BMPER: variants seen among roughly 807,000 people sequenced by gnomAD.
The protein encoded by BMPER is BMP binding endothelial regulator.
A neutral mutation model predicts 87.3 loss-of-function variants in BMPER; 45 were observed. That is an observed-to-expected ratio of 0.52 (90% CI 0.41 to 0.66). The LOEUF (loss-of-function observed/expected upper bound fraction) is 0.66. Among genes scored for constraint, BMPER ranks in the 30% least tolerant of loss-of-function variants. The probability of loss-of-function intolerance (pLI) is 0.00; values close to 1 mark genes in which losing one functional copy is unlikely to be tolerated. For synonymous variants in BMPER, 326 were observed against 316.2 expected (o/e 1.03, Z -0.33); for missense variants, 784 against 867.5 (o/e 0.90, Z 1.21).
chr7:33,970,643 C>T (rs1394630973), intron 5 of BMPER, among the ~76,000 whole-genome samples: 8 of 152,100 alleles, frequency 5.3e-5, no homozygotes, highest in African/African-American at 9.7e-5. Context: ...CTCCAGGCTC[C>T]GAGGCCTGCT....
chr7:34,153,008 G>A (rs753940194), intron 14 of BMPER, 84 bp from the exon 15 acceptor site: 3 of 1,492,480 alleles, frequency 2.0e-6, no homozygotes, highest in Non-Finnish European at 2.8e-6. Context: ...GAAGTGTCAT[G>A]AGCCTGCAAG....
intron 9 of BMPER, among the ~76,000 whole-genome samples, chr7:34,056,301 T>G (rs925396319): frequency 2.0e-5 from 3 of 152,116 alleles, no homozygotes; most frequent in African/African-American, 7.2e-5. Context: ...GCTTAATAAC[T>G]AGGTGATGGG....
intron 5 of BMPER, among the ~76,000 whole-genome samples, chr7:33,971,462 G>A (rs1785544689): frequency 6.6e-6 from 1 of 152,138 alleles, no homozygotes; most frequent in African/African-American, 2.4e-5. Flanking sequence ...AGCTTGTATT[G>A]TTCATGAGCT....
At chr7:34,055,067 A>T in intron 8 of BMPER, 96 bp from the exon 9 acceptor site, 1 of 1,541,556 alleles carries the variant, frequency 6.5e-7, no homozygotes, top group Non-Finnish European at 9.0e-7. Context: ...ACAGACTTTG[A>T]CACAGATAGT....
chr7:33,958,582 T>A (rs1008534202), intron 3 of BMPER, among the ~76,000 whole-genome samples: 4 of 152,204 alleles, frequency 2.6e-5, no homozygotes, highest in Non-Finnish European at 4.4e-5. Flanking sequence ...GAGACAACAT[T>A]TTTACTACTG....
At chr7:34,150,524 A>G (rs1161448062) in intron 14 of BMPER, among the ~76,000 whole-genome samples, 2 of 152,212 alleles carry the variant, frequency 1.3e-5, no homozygotes, top group East Asian at 1.9e-4. Flanking sequence ...CATGAATACA[A>G]TTACTCTGTA....
intron 13 of BMPER, among the ~76,000 whole-genome samples, chr7:34,113,671 G>A (rs720837): frequency 0.17 from 25,119 of 151,852 alleles, 2,320 homozygotes; most frequent in Non-Finnish European, 0.2. Context: ...TTCATCATGC[G>A]CCAGGTAGCG....
chr7:34,143,891 G>T (rs1482584605), intron 14 of BMPER, among the ~76,000 whole-genome samples: 1 of 152,132 alleles, frequency 6.6e-6, no homozygotes, highest in African/African-American at 2.4e-5. Context: ...ATAAATATTT[G>T]TTACAAAGTG....
intron 13 of BMPER, among the ~76,000 whole-genome samples, chr7:34,130,080 A>T (rs1050996307): frequency 4.0e-5 from 6 of 151,880 alleles, no homozygotes; most frequent in Non-Finnish European, 8.8e-5. Context: ...TCTTCCTGAT[A>T]TTATGTCACC....
At chr7:33,939,189 T>C (rs772407649) in intron 3 of BMPER, among the ~76,000 whole-genome samples, 1 of 152,196 alleles carries the variant, frequency 6.6e-6, no homozygotes, top group Non-Finnish European at 1.5e-5. Flanking sequence ...TTCTCCATGA[T>C]TGGTCATGCA....
At chr7:33,905,776 T>A in intron 1 of BMPER, 30 bp downstream of exon 1, 1 of 1,369,700 alleles carries the variant, frequency 7.3e-7, no homozygotes, top group Non-Finnish European at 9.8e-7. Context: ...GGACCGGCCC[T>A]CCGGGACGCC....
chr7:34,060,587 A>G (rs746657044), intron 10 of BMPER, among the ~76,000 whole-genome samples: 10 of 152,234 alleles, frequency 6.6e-5, no homozygotes, highest in Non-Finnish European at 1.5e-4. Flanking sequence ...TGCAAAAACA[A>G]ATCAGACCTG....
chr7:33,905,046 G>T (rs1194716720), upstream of BMPER: 1 of 158,148 alleles, frequency 6.3e-6, no homozygotes, highest in Non-Finnish European at 1.4e-5. Context: ...GCGCCCGGGC[G>T]CCCCCAGCGG....
At chr7:33,911,855 T>A (rs184655316) in intron 2 of BMPER, among the ~76,000 whole-genome samples, 7 of 152,332 alleles carry the variant, frequency 4.6e-5, no homozygotes, top group African/African-American at 9.6e-5. Flanking sequence ...GCATTATTTT[T>A]AAAAATTCTT....
chr7:34,133,732 T>C (rs542929369), intron 13 of BMPER, among the ~76,000 whole-genome samples: 1 of 152,038 alleles, frequency 6.6e-6, no homozygotes, highest in Non-Finnish European at 1.5e-5. Context: ...CTAACTCCAG[T>C]AGATAGTGTC....
intron 6 of BMPER, among the ~76,000 whole-genome samples, chr7:34,040,381 A>G (rs1048159466): frequency 6.6e-6 from 1 of 152,196 alleles, no homozygotes; most frequent in African/African-American, 2.4e-5. Flanking sequence ...CAGCTTCAAC[A>G]CCAGAAAGCA....
At chr7:33,966,677 C>A in intron 4 of BMPER, 116 bp downstream of exon 4, 6 of 992,764 alleles carry the variant, frequency 6.0e-6, no homozygotes, top group Admixed American at 2.1e-5. Context: ...ATGAAAAAAA[C>A]AATGAAAAAG....
At chr7:34,142,114 G>C (rs189941519) in intron 13 of BMPER, among the ~76,000 whole-genome samples, 2 of 152,294 alleles carry the variant, frequency 1.3e-5, no homozygotes, top group East Asian at 3.9e-4. Flanking sequence ...GCTGAACAAG[G>C]TTGTGAAAAA....
intron 6 of BMPER, among the ~76,000 whole-genome samples, chr7:34,021,941 A>T (rs1405069036): frequency 6.6e-6 from 1 of 152,136 alleles, no homozygotes; most frequent in East Asian, 1.9e-4. Flanking sequence ...TGTGGACTGT[A>T]CAGACTCCTG....
Sources: gnomAD v4.1 joint callset for allele counts (sites outside exome capture counted in the v4.1 genomes callset) on GRCh38, gnomAD v4.1.1 for gene constraint, MANE v1.5 for transcripts, NCBI Gene and HGNC (gene_info 2026-07-23, HGNC 2026-07-21) for gene names.